Variants in RHBDD2 observed in about 807,000 individuals in gnomAD.
RHBDD2 encodes rhomboid domain containing 2, also known as rhomboid domain-containing protein 2.
RHBDD2 carries 13 observed loss-of-function variants against 21.7 expected under a neutral mutation model. The ratio of observed to expected loss-of-function variants is 0.60; its 90% CI spans 0.39 to 0.95. The LOEUF (loss-of-function observed/expected upper bound fraction) is 0.95, where lower values mean the gene tolerates loss of function less well. Among genes scored for constraint, RHBDD2 ranks in the 40% least tolerant of loss-of-function variants. The pLI is 0.00. For missense variants in RHBDD2, 473 were observed against 478.9 expected, an observed-to-expected ratio of 0.99 and a Z score of 0.11; for synonymous variants, 225 against 220.0, an observed-to-expected ratio of 1.02 and a Z score of -0.20.
Position 75,882,022 on chromosome 7 carries a change from A to G in RHBDD2, c.372A>G (p.Ser124=), listed in dbSNP as rs782223102. ...CATTCGAGGCTGTGTCATCACTGTC[A>G]AAGCTGGGGGAAGTGGAGGATGCCA... The part of the protein sequence containing the change: ...FLSFEAVSSL[S]KLGEVEDARG... The change falls in exon 2 of 4, where the codon TCA becomes TCG. Residue 124 remains serine, a synonymous_variant. Coordinates refer to ENST00000006777, the MANE Select transcript of RHBDD2 (RefSeq NM_001040456.3). 3.7e-6 allele frequency: 6 copies of G among 1,614,196 alleles called. No homozygotes were observed. In the East Asian group the frequency reaches 1.1e-4, roughly 30 times the overall value.
At chr7:75,883,905 T>G in intron 3 of RHBDD2, 57 bp downstream of exon 3, 1 of 1,476,540 alleles carries the variant, frequency 6.8e-7, no homozygotes, top group South Asian at 1.3e-5. Flanking sequence ...AAATTATTTT[T>G]TTTTTTTGAG....
chr7:75,887,404 G>A (rs1554544158), intron 3 of RHBDD2, among the ~76,000 whole-genome samples: 1 of 150,518 alleles, frequency 6.6e-6, no homozygotes, highest in African/African-American at 2.4e-5. Flanking sequence ...TGCAACCTCT[G>A]CCTCCCAGGT....
Position 75,879,969 on chromosome 7 carries a change from C to T in RHBDD2, c.178+709C>T, listed in dbSNP as rs568280506. Among the ~76,000 whole-genome samples, 9 of 152,306 alleles carry T rather than the reference C, an allele frequency of 5.9e-5. No individual in the cohort carries two copies. The South Asian group carries it at 1.9e-3, about 32-fold the overall frequency. On this transcript the variant is annotated intron_variant, in intron 1 of 3. Coordinates refer to ENST00000006777, the MANE Select transcript of RHBDD2 (RefSeq NM_001040456.3). ...AGGAACACAGGAAATTTGCATATCT[C>T]CTGCTGTTTTGCAAAGCACACACAC...
At position 75,882,170 on chromosome 7, in the gene RHBDD2, G is replaced by A. The variant is rs782203002; in HGVS notation, c.520G>A (p.Ala174Thr). 6.2e-7 allele frequency: 1 copy of A among 1,614,144 alleles called. No homozygotes were observed. The highest frequency in any genetic ancestry group is 8.5e-7 in the Non-Finnish European group (1 of 1,180,010). ...CCTGGTTCCGTGGCTCCTGCTGGGT[G>A]CCTCGTGGCTCATTCCCCAGACCTC... is the stretch of plus-strand genomic sequence containing the variant. ...SVLVPWLLLG[A>T]SWLIPQTSFL... The change falls in exon 2 of 4, where the codon GCC becomes ACC. Residue 174 changes from alanine to threonine, a missense_variant. Transcript: ENST00000006777.
chr7:75,888,472 G>T lies in RHBDD2; in HGVS notation c.*123G>T. On this transcript the variant is annotated 3_prime_UTR_variant, in exon 4 of 4. Coordinates refer to ENST00000006777, the MANE Select transcript of RHBDD2 (RefSeq NM_001040456.3). ...CTCTGTGTTGGGTACTTTGATCAATGCCCCTGTTTCAGTCTCATCTGTACT... is the reference window on the plus strand; with the variant it reads ...CTCTGTGTTGGGTACTTTGATCAATTCCCCTGTTTCAGTCTCATCTGTACT... The T allele has an allele frequency of 5.1e-6, 4 of 788,326 alleles. No homozygotes were observed. The highest frequency in any genetic ancestry group is 3.3e-5 in the South Asian group (2 of 60,718). 48.8% of individuals were successfully genotyped at this position (788,326 alleles called of 1,614,324 possible).
intron 1 of RHBDD2, among the ~76,000 whole-genome samples, chr7:75,879,922 G>T (rs1251627531): frequency 1.3e-5 from 2 of 152,052 alleles, no homozygotes; most frequent in African/African-American, 2.4e-5. Flanking sequence ...CCTAGTCTCC[G>T]TGTCTTCCTC....
intron 3 of RHBDD2, 77 bp downstream of exon 3, chr7:75,883,925 C>CAAAA: frequency 8.1e-7 from 1 of 1,236,880 alleles, no homozygotes. Flanking sequence ...GACGGAGTCT[C>CAAAA]ACTCTGTCAC....
rs1805483485 is a variant in RHBDD2 at position 75,883,835 on chromosome 7, G to A, written c.724G>A (p.Ala242Thr). 4 of 1,612,446 alleles carry A rather than the reference G, an allele frequency of 2.5e-6. No individual in the cohort carries two copies. The highest frequency in any genetic ancestry group is 2.5e-6 in the Non-Finnish European group (3 of 1,179,464). Reference protein sequence around the residue: ...VSGSSAERRAAQSRKLNPVPG... With the variant: ...VSGSSAERRATQSRKLNPVPG... ...AGGGTCTTCAGCCGAGAGGAGGGCA[G>A]CCCAGAGCCGGAAGTAAGTGACAGA... is the stretch of plus-strand genomic sequence containing the variant. The change falls in exon 3 of 4, where the codon GCC becomes ACC. Residue 242 changes from alanine (A) to threonine (T), a missense_variant. Physicochemically the swap from Ala to Thr is moderately conservative, Grantham distance 58 (BLOSUM62 0). Transcript: ENST00000006777.
chr7:75,887,191 G>A (rs1805730401), intron 3 of RHBDD2, among the ~76,000 whole-genome samples: 1 of 144,026 alleles, frequency 6.9e-6, no homozygotes, highest in South Asian at 2.2e-4. Flanking sequence ...AGGCTGGAGT[G>A]CAGTGGCACA....
At chr7:75,887,911 G>A in intron 3 of RHBDD2, 81 bp from the exon 4 acceptor site, 1 of 1,200,378 alleles carries the variant, frequency 8.3e-7, no homozygotes, top group South Asian at 1.4e-5. Context: ...GTACTAGAAA[G>A]CGGGGGCAAC....
chr7:75,882,111 G>A lies in RHBDD2; in HGVS notation c.461G>A (p.Arg154Gln), dbSNP rs782579148. 3.7e-6 allele frequency: 6 copies of A among 1,614,170 alleles called. No homozygotes were observed. Among genetic ancestry groups the A allele is most frequent in the South Asian group, 1.1e-5 (1 of 91,080 alleles). Residue 154 changes from arginine (R) to glutamine (Q), a missense_variant, in exon 2 of 4, where the codon CGG becomes CAG. Coordinates refer to ENST00000006777, the MANE Select transcript of RHBDD2 (RefSeq NM_001040456.3). ...ACCACCGTCCGTTCTCGGATGAGGC[G>A]GGCCCTGGTGTTTGGCATGGTTGTG... is the stretch of plus-strand genomic sequence containing the variant. The part of the protein sequence containing the change: ...GVTTVRSRMR[R>Q]ALVFGMVVPS...
chr7:75,881,737 G>A, intron 1 of RHBDD2, 92 bp from the exon 2 acceptor site: 6 of 1,289,252 alleles, frequency 4.7e-6, no homozygotes, highest in South Asian at 4.3e-5. Context: ...TGTCACGGAG[G>A]GGGGCTCTCT....
At chr7:75,880,262 C>T (rs1805242349) in intron 1 of RHBDD2, 1 of 152,034 alleles carries the variant, frequency 6.6e-6, no homozygotes, top group Admixed American at 6.6e-5. Flanking sequence ...AAATACTCAA[C>T]AAATAATGAA....
At chr7:75,882,370 T>G (rs1805386495) in intron 2 of RHBDD2, 134 bp downstream of exon 2, 6 of 802,668 alleles carry the variant, frequency 7.5e-6, no homozygotes, top group Non-Finnish European at 1.1e-5. Context: ...TCACCCAGGC[T>G]GGAGTGCAGT....
Position 75,883,754 on chromosome 7 carries a change from G to C in RHBDD2, c.643G>C (p.Asp215His), listed in dbSNP as rs782222419. The C allele has an allele frequency of 1.2e-6, 2 of 1,613,316 alleles. No individual in the cohort carries two copies. Among genetic ancestry groups the C allele is most frequent in the Non-Finnish European group, 1.7e-6 (2 of 1,179,498 alleles). Reference protein sequence around the residue: ...DLSERVALKLDQTFPFSLMRR... With the variant: ...DLSERVALKLHQTFPFSLMRR... ...CTCAGAGCGAGTGGCACTGAAGCTC[G>C]ATCAGACCTTCCCCTTCAGCCTGAT... The change falls in exon 3 of 4, where the codon GAT becomes CAT. Residue 215 changes from aspartate (D) to histidine (H), a missense_variant. Asp to His is a moderately conservative substitution (Grantham distance 81). Coordinates refer to ENST00000006777, the MANE Select transcript of RHBDD2 (RefSeq NM_001040456.3).
Position 75,888,470 on chromosome 7 carries a change from A to G in RHBDD2, c.*121A>G, listed in dbSNP as rs558489329. 274 of 802,342 alleles carry G rather than the reference A, an allele frequency of 3.4e-4. 1 individual carries two copies. Among genetic ancestry groups the G allele is most frequent in the Admixed American group, 1.2e-3 (52 of 43,990 alleles). 49.7% of individuals were successfully genotyped at this position (802,342 alleles called of 1,614,324 possible). ...GGCTCTGTGTTGGGTACTTTGATCA[A>G]TGCCCCTGTTTCAGTCTCATCTGTA... On this transcript the variant is annotated 3_prime_UTR_variant, in exon 4 of 4. Transcript: ENST00000006777.
rs546640136 is a variant in RHBDD2 at position 75,884,010 on chromosome 7, A to G, written c.737+162A>G. Among the ~76,000 whole-genome samples, 15 of 151,890 alleles carry G rather than the reference A, an allele frequency of 9.9e-5. No homozygotes were observed. The South Asian group carries it at 3.1e-3, about 32-fold the overall frequency. ...CAGGTTCAAGTGATTCTTCTGCCTCAGTCTCCTCAGTGTCTGGGATTACAG... is the reference window on the plus strand; with the variant it reads ...CAGGTTCAAGTGATTCTTCTGCCTCGGTCTCCTCAGTGTCTGGGATTACAG... On this transcript the variant is annotated intron_variant, in intron 3 of 3. Coordinates refer to ENST00000006777, the MANE Select transcript of RHBDD2 (RefSeq NM_001040456.3).
intron 2 of RHBDD2, 88 bp downstream of exon 2, chr7:75,882,324 G>A (rs1200834220): frequency 1.6e-6 from 2 of 1,262,978 alleles, no homozygotes; most frequent in Non-Finnish European, 2.2e-6. Flanking sequence ...AGATAAAATT[G>A]GGCTTACTTT....
At chr7:75,879,317 T>G in intron 1 of RHBDD2, 57 bp downstream of exon 1, 2 of 1,396,022 alleles carry the variant, frequency 1.4e-6, no homozygotes, top group Non-Finnish European at 1.9e-6. Context: ...ACTTTGCCGG[T>G]TCCTGGGCTC....
Sources: gnomAD v4.1 joint callset for allele counts (sites outside exome capture counted in the v4.1 genomes callset) on GRCh38, gnomAD v4.1.1 for gene constraint, MANE v1.5 for transcripts, NCBI Gene and HGNC (gene_info 2026-07-23, HGNC 2026-07-21) for gene names.